The following RARB variants were observed in gnomAD, a reference collection of about 807,000 sequenced individuals.
RARB encodes HBV-activated protein.
RARB carries 17 observed loss-of-function variants against 51.9 expected under a neutral mutation model. The observed-to-expected ratio is 0.33, with a 90% CI of 0.22 to 0.49. RARB has a LOEUF of 0.49. Ranked by LOEUF, RARB falls within the 20% of genes least tolerant of loss-of-function variation. RARB has a pLI of 0.99. For missense variants in RARB, 369 were observed against 550.8 expected (o/e 0.67, Z 3.30); for synonymous variants, 215 against 195.4 (o/e 1.10, Z -0.84).
chr3:25,468,482 G>T (rs575189220), intron 2 of RARB, among the ~76,000 whole-genome samples: 1 of 150,044 alleles, frequency 6.7e-6, no homozygotes, highest in African/African-American at 2.5e-5. Context: ...CAGAGGGTCC[G>T]AGTAGTTAAG....
intron 5 of RARB, among the ~76,000 whole-genome samples, chr3:25,179,799 A>C (rs997553839): frequency 1.9e-4 from 29 of 152,254 alleles, no homozygotes; most frequent in East Asian, 7.7e-4. Context: ...TTTTCCCCCC[A>C]AAAACAAGAA....
intron 2 of RARB, among the ~76,000 whole-genome samples, chr3:24,892,657 T>C (rs1410132308): frequency 1.3e-5 from 2 of 152,222 alleles, no homozygotes; most frequent in Admixed American, 6.5e-5. Context: ...ATTATGATTC[T>C]AGCAGATTTA....
chr3:25,556,412 G>A lies in RARB; in HGVS notation c.449-13346G>A, dbSNP rs17016723. Among the ~76,000 whole-genome samples, 469 of 152,254 alleles carry A rather than the reference G, an allele frequency of 3.1e-3. 4 individuals are homozygous for A. The highest frequency in any genetic ancestry group is 0.011 in the African/African-American group (456 of 41,536). On this transcript the variant is annotated intron_variant, in intron 3 of 7. Transcript: ENST00000330688. ...TCTTTTAGTAACACATGTGGACTGA[G>A]AGTGACCCCTCAATGGCATTCAGGA...
chr3:24,852,520 G>A (rs2125336939), intron 1 of RARB, among the ~76,000 whole-genome samples: 1 of 152,088 alleles, frequency 6.6e-6, no homozygotes, highest in South Asian at 2.1e-4. Flanking sequence ...ATCTACCCAA[G>A]GAAAATGAAA....
chr3:24,980,388 C>G (rs1045899660), intron 2 of RARB, among the ~76,000 whole-genome samples: 1 of 152,174 alleles, frequency 6.6e-6, no homozygotes, highest in Non-Finnish European at 1.5e-5. Flanking sequence ...TCCATTCTCC[C>G]TCTCACTTTC....
intron 1 of RARB, among the ~76,000 whole-genome samples, chr3:24,831,023 G>A (rs1178799345): frequency 6.6e-6 from 1 of 152,148 alleles, no homozygotes; most frequent in Non-Finnish European, 1.5e-5. Context: ...CCTCTCTGAA[G>A]TTTATTGCTG....
rs201643759 is a variant in RARB at position 25,324,069 on chromosome 3, C to T, written c.179-137124C>T. On this transcript the variant is annotated intron_variant, in intron 5 of 11. Transcript: ENST00000383772. ...CAAGAAAATCATTGATTTCTAGTCTCGGATGAATTAGAAGATACTGTGTAC... is the reference window on the plus strand; with the variant it reads ...CAAGAAAATCATTGATTTCTAGTCTTGGATGAATTAGAAGATACTGTGTAC... 1.9e-3 allele frequency: 286 copies of T among 152,212 alleles called. 1 individual carries two copies. The highest frequency in any genetic ancestry group is 6.6e-3 in the African/African-American group (274 of 41,528). 9.4% of individuals were successfully genotyped at this position (152,212 alleles called of 1,614,324 possible).
chr3:25,296,494 G>T (rs1345604026), intron 5 of RARB, among the ~76,000 whole-genome samples: 1 of 152,068 alleles, frequency 6.6e-6, no homozygotes, highest in Non-Finnish European at 1.5e-5. Context: ...TCTTGAAGTC[G>T]ACATGAGGTT....
At chr3:25,403,431 TAAAC>T (rs1707319645) in intron 5 of RARB, among the ~76,000 whole-genome samples, 2 of 152,090 alleles carry the variant, frequency 1.3e-5, no homozygotes, top group South Asian at 4.1e-4. Flanking sequence ...ATTTAAAAAA[TAAAC>T]AATAAAACCC....
At chr3:25,459,493 C>T (rs561496164) in intron 1 of RARB, among the ~76,000 whole-genome samples, 12 of 152,214 alleles carry the variant, frequency 7.9e-5, no homozygotes, top group East Asian at 3.9e-4. Flanking sequence ...TTTAGATAGG[C>T]GAGTGAAACA....
At chr3:25,208,671 T>C (rs1701619806) in intron 5 of RARB, among the ~76,000 whole-genome samples, 1 of 152,162 alleles carries the variant, frequency 6.6e-6, no homozygotes, top group Admixed American at 6.5e-5. Context: ...CCCTCTGACC[T>C]GACAATGCTG....
In RARB at chr3:24,950,713, GA is replaced by G. The variant is rs71622789; in HGVS notation, c.-380+91975del. Among the ~76,000 whole-genome samples, 759 of 93,944 alleles carry G rather than the reference GA, an allele frequency of 8.1e-3. 6 individuals are homozygous for G. Among genetic ancestry groups the G allele is most frequent in the Middle Eastern group, 0.015 (3 of 202 alleles). 61.6% of individuals were successfully genotyped at this position (93,944 alleles called of 152,430 possible). ...GCAGGAGAAGAGGAAGCAGGAAAAG[GA>G]AAAAAAAAAAAAAGGTGATTTGGCA... is the stretch of plus-strand genomic sequence containing the variant. On this transcript the variant is annotated intron_variant, in intron 2 of 11. Transcript: ENST00000383772.
intron 5 of RARB, among the ~76,000 whole-genome samples, chr3:25,276,502 T>C (rs1703386034): frequency 1.3e-5 from 2 of 152,328 alleles, no homozygotes; most frequent in Non-Finnish European, 2.9e-5. Flanking sequence ...AAGCAAAATA[T>C]AACGGAAGGA....
chr3:25,216,348 T>C (rs949795714), intron 5 of RARB, among the ~76,000 whole-genome samples: 4 of 152,232 alleles, frequency 2.6e-5, no homozygotes, highest in Non-Finnish European at 5.9e-5. Context: ...AAAATATTTA[T>C]TGATAGACTG....
At chr3:24,898,100 C>A (rs1471953603) in intron 2 of RARB, among the ~76,000 whole-genome samples, 2 of 151,972 alleles carry the variant, frequency 1.3e-5, no homozygotes, top group Non-Finnish European at 2.9e-5. Flanking sequence ...GATAGAAAGG[C>A]CATGGAGTTA....
intron 5 of RARB, among the ~76,000 whole-genome samples, chr3:25,417,549 C>G (rs1363738694): frequency 6.6e-6 from 1 of 152,166 alleles, no homozygotes; most frequent in Non-Finnish European, 1.5e-5. Flanking sequence ...TGCACAAGCT[C>G]TCTTCTCTTG....
chr3:25,218,308 C>T (rs866634501), intron 5 of RARB, among the ~76,000 whole-genome samples: 3 of 151,818 alleles, frequency 2.0e-5, no homozygotes, highest in Non-Finnish European at 4.4e-5. Flanking sequence ...AGTGTGTGTG[C>T]GCGCGTGTGC....
intron 5 of RARB, among the ~76,000 whole-genome samples, chr3:25,211,882 T>C (rs1467744937): frequency 6.6e-6 from 1 of 152,226 alleles, no homozygotes; most frequent in East Asian, 1.9e-4. Context: ...ATGCAAATCA[T>C]GTTTTCTTTT....
intron 5 of RARB, among the ~76,000 whole-genome samples, chr3:25,178,106 TCA>T (rs1384907381): frequency 1.3e-5 from 2 of 151,960 alleles, no homozygotes; most frequent in African/African-American, 4.8e-5. Flanking sequence ...TTGTGACCAC[TCA>T]CAATTCGTAG....
Sources: allele counts gnomAD v4.1 joint callset (sites outside exome capture counted in the v4.1 genomes callset), GRCh38; gene constraint gnomAD v4.1.1; transcripts MANE v1.5; gene names NCBI Gene and HGNC (gene_info 2026-07-23, HGNC 2026-07-21).